CDH10: variants seen among roughly 807,000 people sequenced by gnomAD.
CDH10 encodes cadherin 10, also known as cadherin-10.
In CDH10, 30 loss-of-function variants were observed where a neutral mutation model predicts 73.1. The ratio of observed to expected loss-of-function variants is 0.41; its 90% CI spans 0.31 to 0.56. The LOEUF is 0.56. Among genes scored for constraint, CDH10 ranks in the 20% least tolerant of loss-of-function variants. CDH10 has a pLI of 0.27. For synonymous variants in CDH10, 345 were observed against 348.2 expected (o/e 0.99, Z 0.10); for missense variants, 815 against 973.7 (o/e 0.84, Z 2.17).
At chr5:24,537,010 T>G (rs1358721121) in intron 3 of CDH10, among the ~76,000 whole-genome samples, 1 of 151,668 alleles carries the variant, frequency 6.6e-6, no homozygotes, top group Non-Finnish European at 1.5e-5. Context: ...ATGTGAAGAT[T>G]ATATAACCTC....
chr5:24,583,909 C>T (rs531852247), intron 2 of CDH10, among the ~76,000 whole-genome samples: 35 of 152,268 alleles, frequency 2.3e-4, no homozygotes, highest in Admixed American at 3.9e-4. Flanking sequence ...CCCCAAAGTG[C>T]TGGGATTACA....
chr5:24,518,063 A>T (rs1743176377), intron 5 of CDH10, among the ~76,000 whole-genome samples: 1 of 152,184 alleles, frequency 6.6e-6, no homozygotes, highest in African/African-American at 2.4e-5. Context: ...TCCACAATGG[A>T]TTGGGATGAA....
intron 11 of CDH10, 53 bp from the exon 12 acceptor site, chr5:24,488,206 AACG>A: frequency 7.2e-7 from 1 of 1,398,434 alleles, no homozygotes; most frequent in Non-Finnish European, 9.8e-7. Context: ...CACTATAAAT[AACG>A]AGTGGAAATA....
chr5:24,547,634 A>G (rs192818600), intron 2 of CDH10, among the ~76,000 whole-genome samples: 1 of 152,314 alleles, frequency 6.6e-6, no homozygotes, highest in Non-Finnish European at 1.5e-5. Flanking sequence ...AAGCTTCTGA[A>G]AGCTGTAATA....
chr5:24,552,239 C>T (rs1021724757), intron 2 of CDH10, among the ~76,000 whole-genome samples: 4 of 151,936 alleles, frequency 2.6e-5, no homozygotes, highest in African/African-American at 9.7e-5. Context: ...TGTTAGCTTT[C>T]TAGAGATATT....
intron 1 of CDH10, among the ~76,000 whole-genome samples, chr5:24,614,295 A>G (rs926615095): frequency 1.3e-5 from 2 of 152,224 alleles, no homozygotes; most frequent in East Asian, 3.9e-4. Flanking sequence ...TGCTTGAATA[A>G]TGGAATCTGG....
At chr5:24,628,419 T>C (rs1388261237) in intron 1 of CDH10, among the ~76,000 whole-genome samples, 1 of 152,138 alleles carries the variant, frequency 6.6e-6, no homozygotes, top group Non-Finnish European at 1.5e-5. Context: ...AATATACATA[T>C]GAATTTGTGA....
chr5:24,562,913 T>A (rs1745013128), intron 2 of CDH10, among the ~76,000 whole-genome samples: 2 of 152,234 alleles, frequency 1.3e-5, no homozygotes, highest in African/African-American at 4.8e-5. Flanking sequence ...CAGCAAGTTG[T>A]CAACTTGATG....
chr5:24,638,811 T>C (rs1048990716), intron 1 of CDH10, among the ~76,000 whole-genome samples: 1 of 151,854 alleles, frequency 6.6e-6, no homozygotes, highest in African/African-American at 2.4e-5. Flanking sequence ...CATTGGATAA[T>C]CAGCTTCTTA....
At chr5:24,574,222 C>T (rs146061066) in intron 2 of CDH10, among the ~76,000 whole-genome samples, 29 of 152,200 alleles carry the variant, frequency 1.9e-4, no homozygotes, top group African/African-American at 6.7e-4. Flanking sequence ...TGCATGCTAG[C>T]TTTGCAGTCC....
At chr5:24,549,327 G>C (rs1431597975) in intron 2 of CDH10, among the ~76,000 whole-genome samples, 1 of 152,024 alleles carries the variant, frequency 6.6e-6, no homozygotes, top group Non-Finnish European at 1.5e-5. Context: ...AAAAACTGGT[G>C]AAAGATTACA....
chr5:24,585,958 G>A (rs1318852259), intron 2 of CDH10, among the ~76,000 whole-genome samples: 2 of 152,122 alleles, frequency 1.3e-5, no homozygotes, highest in African/African-American at 2.4e-5. Context: ...TGCAAATAGC[G>A]ACAGAGGAGT....
intron 2 of CDH10, among the ~76,000 whole-genome samples, chr5:24,547,509 T>G (rs1204143849): frequency 6.6e-6 from 1 of 152,062 alleles, no homozygotes; most frequent in Non-Finnish European, 1.5e-5. Flanking sequence ...AATAAGAGTT[T>G]TTATGGTACT....
chr5:24,634,959 C>T (rs1747820485), intron 1 of CDH10, among the ~76,000 whole-genome samples: 1 of 150,182 alleles, frequency 6.7e-6, no homozygotes, highest in African/African-American at 2.4e-5. Context: ...CCGTAGAAAC[C>T]ATTCCAGATG....
At chr5:24,501,238 A>G (rs1217293317) in intron 8 of CDH10, among the ~76,000 whole-genome samples, 1 of 152,136 alleles carries the variant, frequency 6.6e-6, no homozygotes, top group African/African-American at 2.4e-5. Flanking sequence ...TTCATAACTA[A>G]AAAATTCCGT....
At chr5:24,526,201 G>C (rs1357271300) in intron 5 of CDH10, among the ~76,000 whole-genome samples, 1 of 151,952 alleles carries the variant, frequency 6.6e-6, no homozygotes, top group Non-Finnish European at 1.5e-5. Flanking sequence ...AGGACATCAT[G>C]ATACAGAAGG....
At chr5:24,560,532 A>G (rs1021009699) in intron 2 of CDH10, among the ~76,000 whole-genome samples, 15 of 152,050 alleles carry the variant, frequency 9.9e-5, no homozygotes. Flanking sequence ...TGGGCATTTG[A>G]ATAAAACTTG....
intron 5 of CDH10, among the ~76,000 whole-genome samples, chr5:24,511,949 CAA>C (rs1329030053): frequency 6.6e-6 from 1 of 151,942 alleles, no homozygotes; most frequent in African/African-American, 2.4e-5. Context: ...CTCATGGACA[CAA>C]AGAGAGGAAC....
At chr5:24,573,572 G>T (rs1347593041) in intron 2 of CDH10, among the ~76,000 whole-genome samples, 1 of 151,394 alleles carries the variant, frequency 6.6e-6, no homozygotes, top group Non-Finnish European at 1.5e-5. Flanking sequence ...GTGGTGGCGG[G>T]CACCTGTAGT....
Sources: allele counts gnomAD v4.1 joint callset (sites outside exome capture counted in the v4.1 genomes callset), GRCh38; gene constraint gnomAD v4.1.1; transcripts MANE v1.5; gene names NCBI Gene and HGNC (gene_info 2026-07-23, HGNC 2026-07-21).